Variants in ADAMTSL1 observed in about 807,000 individuals in gnomAD.
ADAMTSL1 encodes the protein ADAMTS-like protein 1.
A neutral mutation model predicts 201.8 loss-of-function variants in ADAMTSL1; 126 were observed. That is an observed-to-expected ratio of 0.62 (90% CI 0.54 to 0.72). The LOEUF (loss-of-function observed/expected upper bound fraction) is 0.72, where lower values mean the gene tolerates loss of function less well. ADAMTSL1 is among the 30% of genes least tolerant of loss of function. The pLI, the probability that ADAMTSL1 is intolerant of heterozygous loss-of-function variation, is 0.00. For missense variants in ADAMTSL1, 2,679 were observed against 2,277.8 expected (o/e 1.18, Z -3.59); for synonymous variants, 1,121 against 903.4 (o/e 1.24, Z -4.32).
intron 1 of ADAMTSL1, among the ~76,000 whole-genome samples, chr9:17,976,912 C>A (rs1581953): frequency 0.48 from 73,135 of 151,654 alleles, 19,256 homozygotes; most frequent in East Asian, 0.92. Context: ...TTTTTCCTTC[C>A]TGATCTTAGA....
chr9:18,114,142 T>A (rs2131891718), intron 1 of ADAMTSL1, among the ~76,000 whole-genome samples: 1 of 152,094 alleles, frequency 6.6e-6, no homozygotes, highest in African/African-American at 2.4e-5. Context: ...CATTGAGAGA[T>A]CAAGTAACAG....
intron 21 of ADAMTSL1, among the ~76,000 whole-genome samples, chr9:18,819,875 T>C (rs1479864085): frequency 2.0e-5 from 3 of 152,252 alleles, no homozygotes; most frequent in Non-Finnish European, 4.4e-5. Context: ...GGAAATCATC[T>C]GTGAGCTTAG....
At chr9:18,095,134 C>G (rs1824189472) in intron 1 of ADAMTSL1, among the ~76,000 whole-genome samples, 1 of 152,140 alleles carries the variant, frequency 6.6e-6, no homozygotes, top group African/African-American at 2.4e-5. Flanking sequence ...TAGACGCCAC[C>G]TGAGACCTTC....
At position 18,887,830 on chromosome 9, in the gene ADAMTSL1, G is replaced by C; in HGVS notation, c.4250-1G>C. The C allele has an allele frequency of 6.2e-7, 1 of 1,613,148 alleles. No homozygotes were observed. Among genetic ancestry groups the C allele is most frequent in the Non-Finnish European group, 8.5e-7 (1 of 1,179,550 alleles). Reference sequence around the variant, plus strand: ...GCTTACTTCTTTTCCTCTCCTTCTAGGCTGCCCCATCAAAGGTCACCCTGT... The same window carrying C: ...GCTTACTTCTTTTCCTCTCCTTCTACGCTGCCCCATCAAAGGTCACCCTGT... On this transcript the variant is annotated splice_acceptor_variant, in intron 23 of 28. Coordinates refer to ENST00000380548, the MANE Select transcript of ADAMTSL1 (RefSeq NM_001040272.6). LOFTEE classifies it high-confidence loss of function.
intron 4 of ADAMTSL1, among the ~76,000 whole-genome samples, chr9:18,608,892 T>C (rs1825198777): frequency 1.3e-5 from 2 of 151,708 alleles, no homozygotes; most frequent in East Asian, 3.9e-4. Context: ...GATTTGCTTT[T>C]GGCTTATTCA....
At chr9:18,109,851 C>T (rs1824926305) in intron 1 of ADAMTSL1, among the ~76,000 whole-genome samples, 1 of 152,176 alleles carries the variant, frequency 6.6e-6, no homozygotes, top group Non-Finnish European at 1.5e-5. Context: ...ACCCCTACTG[C>T]CACTTTCCCC....
intron 2 of ADAMTSL1, among the ~76,000 whole-genome samples, chr9:18,354,247 C>A (rs979431004): frequency 6.6e-6 from 1 of 151,626 alleles, no homozygotes; most frequent in African/African-American, 2.4e-5. Flanking sequence ...ATTAACTAGT[C>A]ATTTATTGAT....
At position 18,777,887 on chromosome 9, in the gene ADAMTSL1, G is replaced by C. The variant is rs1821158789; in HGVS notation, c.3658G>C (p.Glu1220Gln). 1.3e-6 allele frequency: 2 copies of C among 1,554,018 alleles called. No homozygotes were observed. The highest frequency in any genetic ancestry group is 2.7e-5 in the African/African-American group (2 of 73,510). ...PTISWARNGE[E>Q]VQFSDRILLQ... The stretch of plus-strand genomic sequence containing the variant: ...CATCAGCTGGGCCAGGAATGGAGAA[G>C]AAGTTCAGTTCAGTGACAGGTGAGC... Residue 1220 changes from glutamate to glutamine, a missense_variant, in exon 19 of 29, where the codon GAA becomes CAA. Physicochemically the swap from Glu to Gln is conservative, Grantham distance 29 (BLOSUM62 2). Transcript: ENST00000380548.
chr9:18,680,336 G>C lies in ADAMTSL1; in HGVS notation c.1161G>C (p.Ala387=). 6.2e-7 allele frequency: 1 copy of C among 1,614,116 alleles called. No homozygotes were observed. Among genetic ancestry groups the C allele is most frequent in the African/African-American group, 1.3e-5 (1 of 75,046 alleles). The stretch of plus-strand genomic sequence containing the variant: ...GGTGGGAGGCCACCCCATGGACCGC[G>C]TGCTCCTCCTCGTGTGGGGGGGGCA... ...LPRWEATPWT[A]CSSSCGGGIQ... is the part of the protein sequence containing the mutation. Residue 387 remains alanine, a synonymous_variant, in exon 11 of 29, where the codon GCG becomes GCC. Coordinates refer to ENST00000380548, the MANE Select transcript of ADAMTSL1 (RefSeq NM_001040272.6).
intron 19 of ADAMTSL1, among the ~76,000 whole-genome samples, chr9:18,786,917 G>T (rs773711641): frequency 6.6e-6 from 1 of 152,168 alleles, no homozygotes; most frequent in Non-Finnish European, 1.5e-5. Context: ...AATAGGAGAT[G>T]AATTAAGGCA....
intron 1 of ADAMTSL1, among the ~76,000 whole-genome samples, chr9:18,094,590 TA>T (rs1189492512): frequency 6.6e-6 from 1 of 151,966 alleles, no homozygotes; most frequent in African/African-American, 2.4e-5. Flanking sequence ...AAATGCCACC[TA>T]AATCTAAGTA....
intron 22 of ADAMTSL1, among the ~76,000 whole-genome samples, chr9:18,828,658 A>ATTTTATATT (rs766423543): frequency 2.6e-4 from 14 of 54,436 alleles, no homozygotes; most frequent in African/African-American, 9.4e-4. Flanking sequence ...TTGAAAGTAT[A>ATTTTATATT]TTTATATATA....
chr9:18,771,815 C>T (rs1364493828), intron 17 of ADAMTSL1, among the ~76,000 whole-genome samples: 1 of 145,314 alleles, frequency 6.9e-6, no homozygotes, highest in African/African-American at 2.6e-5. Context: ...GGCAAAGCGG[C>T]CTGTGAAAAT....
Position 18,000,202 on chromosome 9 carries a change from C to G in ADAMTSL1, c.87+93280C>G, listed in dbSNP as rs924424439. 4.0e-5 allele frequency among the ~76,000 whole-genome samples: 6 copies of G among 151,228 alleles called. No individual in the cohort carries two copies. In the East Asian group the frequency reaches 5.9e-4, roughly 15 times the overall value. On this transcript the variant is annotated intron_variant, in intron 1 of 29. Coordinates refer to the ADAMTSL1 transcript ENST00000680146. ...CACACTGACTTCCACAATGGTTGAA[C>G]TAGTTTACAGTCCCACCAACAGTGT...
At chr9:18,325,744 G>GTTT (rs768880998) in intron 2 of ADAMTSL1, among the ~76,000 whole-genome samples, 1 of 128,670 alleles carries the variant, frequency 7.8e-6, no homozygotes. Context: ...AAGGACCTTT[G>GTTT]TTTTTTTTTT....
intron 1 of ADAMTSL1, among the ~76,000 whole-genome samples, chr9:18,145,691 A>G (rs1826609056): frequency 6.6e-6 from 1 of 152,184 alleles, no homozygotes; most frequent in Non-Finnish European, 1.5e-5. Context: ...GAGTTTGGTG[A>G]TGAGTTTTAG....
intron 4 of ADAMTSL1, among the ~76,000 whole-genome samples, chr9:18,580,403 C>T (rs2132407195): frequency 6.6e-6 from 1 of 152,262 alleles, no homozygotes; most frequent in Middle Eastern, 3.4e-3. Context: ...ATCAAATGTC[C>T]ACCAGTTATT....
intron 1 of ADAMTSL1, among the ~76,000 whole-genome samples, chr9:18,067,515 A>G (rs1446134036): frequency 6.7e-6 from 1 of 149,914 alleles, no homozygotes; most frequent in Non-Finnish European, 1.5e-5. Flanking sequence ...GTGTTTAGTG[A>G]GTTTAAGTAG....
intron 20 of ADAMTSL1, among the ~76,000 whole-genome samples, chr9:18,810,212 G>A (rs979194745): frequency 2.0e-5 from 3 of 152,152 alleles, no homozygotes; most frequent in African/African-American, 7.2e-5. Context: ...AATCTCAAAT[G>A]TATGGAATAT....
Sources: gnomAD v4.1 joint callset for allele counts (sites outside exome capture counted in the v4.1 genomes callset) on GRCh38, gnomAD v4.1.1 for gene constraint, MANE v1.5 for transcripts, NCBI Gene and HGNC (gene_info 2026-07-23, HGNC 2026-07-21) for gene names.